CAMTA1: variants seen among roughly 807,000 people sequenced by gnomAD.
CAMTA1 encodes the protein calmodulin binding transcription activator 1, also known as calmodulin-binding transcription activator 1.
In CAMTA1, 27 loss-of-function variants were observed where a neutral mutation model predicts 170.9. The ratio of observed to expected loss-of-function variants is 0.16; its 90% CI spans 0.12 to 0.22. CAMTA1 has a LOEUF of 0.22. CAMTA1 is among the 10% of genes least tolerant of loss of function. The pLI is 1.00. For synonymous variants in CAMTA1, 833 were observed against 891.5 expected, an observed-to-expected ratio of 0.93 and a Z score of 1.17; for missense variants, 1,619 against 2,217.2, an observed-to-expected ratio of 0.73 and a Z score of 5.42.
chr1:7,472,365 G>A (rs1421429248), intron 6 of CAMTA1, among the ~76,000 whole-genome samples: 1 of 152,072 alleles, frequency 6.6e-6, no homozygotes, highest in Non-Finnish European at 1.5e-5. Flanking sequence ...AGCTCTGCCT[G>A]GACCTACCTG....
chr1:6,879,534 A>G (rs1397396951), intron 3 of CAMTA1, among the ~76,000 whole-genome samples: 2 of 152,146 alleles, frequency 1.3e-5, no homozygotes, highest in African/African-American at 4.8e-5. Flanking sequence ...TTTCTTCTCT[A>G]ATTTGGTTCA....
At chr1:7,316,435 TTTAAAGA>T (rs1256461893) in intron 5 of CAMTA1, among the ~76,000 whole-genome samples, 1 of 152,234 alleles carries the variant, frequency 6.6e-6, no homozygotes, top group Non-Finnish European at 1.5e-5. Context: ...GTATGGATCC[TTTAAAGA>T]TTAAAAGAGA....
intron 5 of CAMTA1, among the ~76,000 whole-genome samples, chr1:7,424,995 A>AG (rs2091798169): frequency 6.6e-6 from 1 of 152,236 alleles, no homozygotes; most frequent in Non-Finnish European, 1.5e-5. Flanking sequence ...CTTCACTTCC[A>AG]GGGGGGCTCG....
chr1:7,216,207 C>T lies in CAMTA1; in HGVS notation c.303-33284C>T, dbSNP rs1470007718. On this transcript the variant is annotated intron_variant, in intron 4 of 22. Coordinates refer to ENST00000303635, the MANE Select transcript of CAMTA1 (RefSeq NM_015215.4). This position sits in a 1 kb window ranked among gnomAD's most constrained non-coding sequence, Gnocchi z 4.0. ...CAAACAACCAGATCTCCTGAGAACT[C>T]ACTCACTATCACAAAAACAGCAAGG... Among the ~76,000 whole-genome samples the T allele has an allele frequency of 6.6e-6, 1 of 152,138 alleles. No individual in the cohort carries two copies. Among genetic ancestry groups the T allele is most frequent in the Non-Finnish European group, 1.5e-5 (1 of 68,028 alleles).
At chr1:6,834,465 C>G (rs375757349) in intron 3 of CAMTA1, 1 of 238,648 alleles carries the variant, frequency 4.2e-6, no homozygotes, top group East Asian at 1.1e-4. Flanking sequence ...TGTCTTTTAG[C>G]CTTGGCACTC....
chr1:7,526,965 C>T (rs566143536), intron 6 of CAMTA1, among the ~76,000 whole-genome samples: 1 of 152,308 alleles, frequency 6.6e-6, no homozygotes, highest in Admixed American at 6.5e-5. Flanking sequence ...AAGAAAGCAG[C>T]CTTTCCAACA....
At chr1:7,450,630 A>T (rs2092801522) in intron 5 of CAMTA1, among the ~76,000 whole-genome samples, 1 of 152,242 alleles carries the variant, frequency 6.6e-6, no homozygotes, top group Non-Finnish European at 1.5e-5. Context: ...GCAGGTTAGC[A>T]GCACATTGGA....
chr1:7,353,064 C>T (rs2084805796), intron 5 of CAMTA1, among the ~76,000 whole-genome samples: 1 of 152,200 alleles, frequency 6.6e-6, no homozygotes, highest in Non-Finnish European at 1.5e-5. Context: ...AGACAGAGAA[C>T]CCAGCAGTTG....
intron 4 of CAMTA1, among the ~76,000 whole-genome samples, chr1:7,158,281 A>G (rs1007280101): frequency 1.2e-4 from 19 of 152,244 alleles, no homozygotes; most frequent in African/African-American, 4.1e-4. Context: ...ATTTATATCA[A>G]CTTCTAGATT....
chr1:6,788,663 A>G (rs1363744873), intron 1 of CAMTA1, among the ~76,000 whole-genome samples: 1 of 152,162 alleles, frequency 6.6e-6, no homozygotes, highest in South Asian at 2.1e-4. Flanking sequence ...TCCCGTTTCC[A>G]GTGGTGGTTC....
intron 10 of CAMTA1, among the ~76,000 whole-genome samples, chr1:7,675,562 C>A (rs961942496): frequency 7.2e-5 from 11 of 152,180 alleles, no homozygotes; most frequent in Admixed American, 2.0e-4. Flanking sequence ...CACCACACTC[C>A]CCCTGGTTTC....
chr1:7,629,913 C>T (rs2095657491), intron 6 of CAMTA1, among the ~76,000 whole-genome samples: 1 of 152,146 alleles, frequency 6.6e-6, no homozygotes, highest in African/African-American at 2.4e-5. Flanking sequence ...CCTCCGTTGC[C>T]AATTTGCTTT....
intron 11 of CAMTA1, among the ~76,000 whole-genome samples, chr1:7,697,547 C>A (rs2096389567): frequency 6.6e-6 from 1 of 152,184 alleles, no homozygotes; most frequent in South Asian, 2.1e-4. Flanking sequence ...CTGCATTTCG[C>A]CCACTTTAAT....
intron 22 of CAMTA1, among the ~76,000 whole-genome samples, chr1:7,756,906 ATTAAT>A (rs1163935184): frequency 6.6e-6 from 1 of 152,228 alleles, no homozygotes; most frequent in Admixed American, 6.5e-5. Flanking sequence ...TCAAAATTTA[ATTAAT>A]TTAAATGAAT....
chr1:7,030,754 G>T (rs4500344), intron 3 of CAMTA1, among the ~76,000 whole-genome samples: 44,880 of 151,860 alleles, frequency 0.3, 6,904 homozygotes, highest in African/African-American at 0.38. Flanking sequence ...TGAAAAGAAT[G>T]TGTATATTGC....
rs543039100 is a variant in CAMTA1 at position 7,742,027 on chromosome 1, AC to A, written c.4183-2807del. 3.4e-3 allele frequency among the ~76,000 whole-genome samples: 509 copies of A among 151,906 alleles called. 1 individual carries two copies. Among genetic ancestry groups the A allele is most frequent in the African/African-American group, 0.012 (489 of 41,466 alleles). ...ACAATCAAAATGAAATGAAAGAGAA[AC>A]AATGAAAATGAAATGATAGATAACA... is the stretch of plus-strand genomic sequence containing the variant. On this transcript the variant is annotated intron_variant, in intron 16 of 22. Coordinates refer to ENST00000303635, the MANE Select transcript of CAMTA1 (RefSeq NM_015215.4).
chr1:7,306,645 A>G (rs1163205726), intron 5 of CAMTA1, among the ~76,000 whole-genome samples: 1 of 151,972 alleles, frequency 6.6e-6, no homozygotes, highest in East Asian at 1.9e-4. Flanking sequence ...ACATTTTTGA[A>G]TCAGTATGTC....
chr1:6,937,259 TCACCACTACCATCA>T (rs1685490743), intron 3 of CAMTA1, among the ~76,000 whole-genome samples: 1 of 150,894 alleles, frequency 6.6e-6, no homozygotes, highest in Non-Finnish European at 1.5e-5. Context: ...ACCATCATCA[TCACCACTACCATCA>T]TCACCATCAC....
intron 5 of CAMTA1, among the ~76,000 whole-genome samples, chr1:7,265,155 A>C (rs1464340213): frequency 6.6e-6 from 1 of 152,150 alleles, no homozygotes; most frequent in Non-Finnish European, 1.5e-5. Context: ...TGAGCAGGTG[A>C]ACTGTTCCTG....
Sources: allele counts gnomAD v4.1 joint callset (sites outside exome capture counted in the v4.1 genomes callset), GRCh38; gene constraint gnomAD v4.1.1; non-coding constraint Gnocchi (gnomAD v3.1); transcripts MANE v1.5; gene names NCBI Gene and HGNC (gene_info 2026-07-23, HGNC 2026-07-21).